Variants in DNAH11 observed in about 807,000 individuals in gnomAD.
DNAH11 encodes axonemal beta dynein heavy chain 11.
DNAH11 carries 442 observed loss-of-function variants against 526.0 expected under a neutral mutation model. The ratio of observed to expected loss-of-function variants is 0.84; its 90% CI spans 0.78 to 0.91. DNAH11 has a LOEUF of 0.91. DNAH11 is among the 40% of genes least tolerant of loss of function. The pLI is 0.00. For missense variants in DNAH11, 6,989 were observed against 5,448.7 expected (o/e 1.28, Z -8.90); for synonymous variants, 2,461 against 1,935.9 (o/e 1.27, Z -7.12).
At position 21,720,847 on chromosome 7, in the gene DNAH11, A is replaced by G. The variant is rs1311166038; in HGVS notation, c.7257A>G (p.Leu2419=). 1.9e-6 allele frequency: 3 copies of G among 1,612,734 alleles called. No homozygotes were observed. The highest frequency in any genetic ancestry group is 2.2e-5 in the East Asian group (1 of 44,828). Residue 2419 remains leucine (L), a synonymous_variant, in exon 44 of 82, where the codon CTA becomes CTG. Transcript: ENST00000409508. The part of the protein sequence containing the change: ...ACIWAFGGTL[L]QDQISDYQAD... ...TCTGGGCTTTTGGAGGCACCCTGCT[A>G]CAAGATCAGGTATGTTTAGAAATAG...
chr7:21,832,705 G>C (rs1034682827), intron 65 of DNAH11, among the ~76,000 whole-genome samples: 1 of 152,164 alleles, frequency 6.6e-6, no homozygotes, highest in Non-Finnish European at 1.5e-5. Context: ...GATTACACTA[G>C]CACCGTTAGC....
chr7:21,804,144 T>C (rs1195429337), intron 62 of DNAH11, among the ~76,000 whole-genome samples: 1 of 151,970 alleles, frequency 6.6e-6, no homozygotes, highest in Non-Finnish European at 1.5e-5. Flanking sequence ...AGTCTTGCTC[T>C]GTTGCCCAGG....
intron 54 of DNAH11, among the ~76,000 whole-genome samples, chr7:21,755,884 T>A (rs17145261): frequency 6.6e-6 from 1 of 152,136 alleles, no homozygotes; most frequent in Non-Finnish European, 1.5e-5. Flanking sequence ...TATCCACTTA[T>A]AGCTTTTTCC....
intron 35 of DNAH11, among the ~76,000 whole-genome samples, chr7:21,693,517 A>G (rs1205271318): frequency 6.6e-6 from 1 of 152,250 alleles, no homozygotes. Flanking sequence ...CTATCTGCTT[A>G]AGAGTTTGTG....
chr7:21,888,102 C>T (rs1289072589), intron 76 of DNAH11, among the ~76,000 whole-genome samples: 2 of 152,192 alleles, frequency 1.3e-5, no homozygotes, highest in African/African-American at 4.8e-5. Context: ...TTGTGCATGG[C>T]TTCCCTGTGC....
intron 75 of DNAH11, among the ~76,000 whole-genome samples, chr7:21,882,543 C>A (rs973487545): frequency 5.3e-5 from 8 of 152,208 alleles, no homozygotes; most frequent in African/African-American, 1.9e-4. Context: ...TGCCTATAAT[C>A]CCAGCACTTT....
intron 81 of DNAH11, 125 bp from the exon 82 acceptor site, chr7:21,900,882 C>G (rs1784775039): frequency 4.8e-6 from 7 of 1,450,450 alleles, no homozygotes; most frequent in Non-Finnish European, 6.4e-6. Context: ...AGTAAAAATA[C>G]CACTGACAAG....
intron 61 of DNAH11, among the ~76,000 whole-genome samples, chr7:21,791,530 C>T (rs1387574453): frequency 2.6e-5 from 4 of 152,182 alleles, no homozygotes; most frequent in African/African-American, 9.7e-5. Flanking sequence ...GTAAACAGCT[C>T]CTGCTCCCAA....
At chr7:21,708,461 C>T (rs969132680) in intron 40 of DNAH11, among the ~76,000 whole-genome samples, 2 of 152,208 alleles carry the variant, frequency 1.3e-5, no homozygotes, top group African/African-American at 4.8e-5. Flanking sequence ...TGTACTACAG[C>T]AGCGTGTAAT....
intron 48 of DNAH11, 146 bp downstream of exon 48, chr7:21,739,819 G>A: frequency 1.7e-6 from 1 of 600,506 alleles, no homozygotes; most frequent in Non-Finnish European, 2.8e-6. Context: ...AACAGACAGG[G>A]GTTCTAATAA....
At chr7:21,771,837 C>T (rs1323436799) in intron 55 of DNAH11, among the ~76,000 whole-genome samples, 1 of 142,310 alleles carries the variant, frequency 7.0e-6, no homozygotes, top group Admixed American at 6.9e-5. Flanking sequence ...TCAATTCTCC[C>T]CCAACGCCCC....
intron 36 of DNAH11, among the ~76,000 whole-genome samples, chr7:21,700,263 C>T (rs1291073552): frequency 6.6e-6 from 1 of 152,098 alleles, no homozygotes; most frequent in Non-Finnish European, 1.5e-5. Context: ...TTTGCTAACT[C>T]AGAAATGTCA....
chr7:21,823,250 T>C (rs535565703), intron 65 of DNAH11, among the ~76,000 whole-genome samples: 1 of 152,064 alleles, frequency 6.6e-6, no homozygotes, highest in Non-Finnish European at 1.5e-5. Flanking sequence ...TTTTTATGAG[T>C]GCCATTTTAC....
intron 61 of DNAH11, among the ~76,000 whole-genome samples, chr7:21,789,817 T>TTTCTTTCTTCTTTCTTTC (rs1788380598): frequency 1.4e-5 from 1 of 69,466 alleles, no homozygotes; most frequent in African/African-American, 4.6e-5. Flanking sequence ...TTTTTCTTTC[T>TTTCTTTCTTCTTTCTTTC]TTCTTTCTTT....
intron 76 of DNAH11, among the ~76,000 whole-genome samples, chr7:21,886,892 T>C (rs931475350): frequency 6.6e-6 from 1 of 152,234 alleles, no homozygotes; most frequent in Non-Finnish European, 1.5e-5. Context: ...TTTTGCAAGC[T>C]GGCATCCTCA....
intron 34 of DNAH11, among the ~76,000 whole-genome samples, chr7:21,689,629 C>T (rs1305367937): frequency 6.6e-6 from 1 of 152,258 alleles, no homozygotes; most frequent in Non-Finnish European, 1.5e-5. Flanking sequence ...CCCTGCCAGC[C>T]TGTCTGCCTT....
intron 20 of DNAH11, among the ~76,000 whole-genome samples, chr7:21,612,575 A>AAAAAG (rs1785576982): frequency 6.7e-6 from 1 of 150,104 alleles, no homozygotes; most frequent in Non-Finnish European, 1.5e-5. Flanking sequence ...AAAAAAAAAA[A>AAAAAG]AGAGACTAAG....
chr7:21,801,914 C>T (rs537345554), intron 62 of DNAH11, among the ~76,000 whole-genome samples: 2 of 152,264 alleles, frequency 1.3e-5, no homozygotes, highest in Non-Finnish European at 2.9e-5. Context: ...TTGACATTCT[C>T]TTGCTTGAAC....
rs138187683 is a variant in DNAH11, at chr7:21,789,362, T to C, written c.10026+20T>C. The C allele has an allele frequency of 1.4e-5, 22 of 1,535,598 alleles. No homozygotes were observed. Among genetic ancestry groups the C allele is most frequent in the South Asian group, 3.6e-5 (3 of 82,414 alleles). On this transcript the variant is annotated intron_variant, in intron 61 of 81. Coordinates refer to ENST00000409508, the MANE Select transcript of DNAH11 (RefSeq NM_001277115.2). Reference sequence around the variant, plus strand: ...CTTGTGGTGAGTGCAAACTATGACATTGAAAAGGTTCCCAAGAGGTGGTCG... The same window carrying C: ...CTTGTGGTGAGTGCAAACTATGACACTGAAAAGGTTCCCAAGAGGTGGTCG...
Sources: gnomAD v4.1 joint callset for allele counts (sites outside exome capture counted in the v4.1 genomes callset) on GRCh38, gnomAD v4.1.1 for gene constraint, MANE v1.5 for transcripts, NCBI Gene and HGNC (gene_info 2026-07-23, HGNC 2026-07-21) for gene names.